The following SGCD variants were observed in gnomAD, a reference collection of about 807,000 sequenced individuals.
SGCD encodes delta-sarcoglycan.
Under a neutral mutation model 36.6 loss-of-function variants are expected in SGCD, and 18 were observed. That is an observed-to-expected ratio of 0.49 (90% CI 0.34 to 0.73). The LOEUF is 0.73. Among genes scored for constraint, SGCD ranks in the 30% least tolerant of loss-of-function variants. The pLI is 0.01. For synonymous variants in SGCD, 133 were observed against 130.6 expected (o/e 1.02, Z -0.12); for missense variants, 387 against 346.7 (o/e 1.12, Z -0.92).
intron 6 of SGCD, among the ~76,000 whole-genome samples, chr5:156,610,604 TG>T (rs1294282994): frequency 9.2e-5 from 14 of 152,244 alleles, no homozygotes; most frequent in South Asian, 2.1e-4. Flanking sequence ...CGGAGGTTTC[TG>T]CTGCCTTTTA....
At chr5:155,793,567 A>T in the SGCD span, among the ~76,000 whole-genome samples, 7 of 150,236 alleles carry the variant, frequency 4.7e-5, no homozygotes, top group African/African-American at 1.7e-4. Flanking sequence ...TAAGAGATGG[A>T]GTCTTGCTCT....
At chr5:155,780,107 T>A in the SGCD span, among the ~76,000 whole-genome samples, 8 of 151,260 alleles carry the variant, frequency 5.3e-5, no homozygotes, top group African/African-American at 1.9e-4. Flanking sequence ...GATACGTCCA[T>A]TTTTTTTTCT....
intron 3 of SGCD, among the ~76,000 whole-genome samples, chr5:156,289,508 C>A (rs1283524717): frequency 6.6e-6 from 1 of 151,908 alleles, no homozygotes; most frequent in Non-Finnish European, 1.5e-5. Context: ...CTCTCTGTGT[C>A]CATGTGTTCT....
intron 6 of SGCD, among the ~76,000 whole-genome samples, chr5:156,602,080 A>C (rs1761217313): frequency 6.6e-6 from 1 of 152,168 alleles, no homozygotes; most frequent in Non-Finnish European, 1.5e-5. Context: ...ATCTGTGAAC[A>C]TGGAGTCTCT....
At position 156,084,782 on chromosome 5, in the gene SGCD, A is replaced by G. The variant is rs115103354; in HGVS notation, c.-281-33096A>G. On this transcript the variant is annotated intron_variant, in intron 1 of 9. Coordinates refer to the SGCD transcript ENST00000517913. The stretch of plus-strand genomic sequence containing the variant: ...CCTTATCTTATTCCTGATCTTAGAG[A>G]AAAAGCATTTATGTTTTCATTAAGT... Among the ~76,000 whole-genome samples, 837 of 152,302 alleles carry G rather than the reference A, an allele frequency of 5.5e-3. 8 individuals carry two copies. The highest frequency in any genetic ancestry group is 0.019 in the African/African-American group (809 of 41,556).
At chr5:156,623,860 T>A (rs1762345236) in intron 6 of SGCD, among the ~76,000 whole-genome samples, 1 of 152,164 alleles carries the variant, frequency 6.6e-6, no homozygotes, top group African/African-American at 2.4e-5. Flanking sequence ...TTGGAGAGTA[T>A]TCAGGCCCTA....
chr5:156,318,421 T>G (rs1345513478), intron 3 of SGCD, among the ~76,000 whole-genome samples: 2 of 152,162 alleles, frequency 1.3e-5, no homozygotes, highest in East Asian at 3.9e-4. Context: ...GTAAGTACCT[T>G]GAGGATAAGG....
At chr5:156,250,643 C>T (rs895240103) in intron 3 of SGCD, among the ~76,000 whole-genome samples, 2 of 152,058 alleles carry the variant, frequency 1.3e-5, no homozygotes, top group Non-Finnish European at 2.9e-5. Context: ...TAATATTCAC[C>T]AACTTTCCGA....
At chr5:156,241,977 G>A (rs1388549292) in intron 3 of SGCD, among the ~76,000 whole-genome samples, 1 of 152,182 alleles carries the variant, frequency 6.6e-6, no homozygotes, top group East Asian at 1.9e-4. Context: ...CAAACAGGTT[G>A]AGAAAGGTTT....
chr5:156,081,985 G>A (rs1035979676), intron 1 of SGCD, among the ~76,000 whole-genome samples: 3 of 152,062 alleles, frequency 2.0e-5, no homozygotes, highest in African/African-American at 7.2e-5. Context: ...GGTATTTAAT[G>A]GGCTTGATAA....
rs280460 is a variant in SGCD at position 156,613,924 on chromosome 5, C to A, written c.502+18873C>A. ...AATGCATTTGATCCTCACAACAACCCTATTAGGAGGGTACAGGCTGGCTGG... is the reference window on the plus strand; with the variant it reads ...AATGCATTTGATCCTCACAACAACCATATTAGGAGGGTACAGGCTGGCTGG... On this transcript the variant is annotated intron_variant, in intron 6 of 8. Coordinates refer to ENST00000337851, the MANE Select transcript of SGCD (RefSeq NM_000337.6). 6.4e-3 allele frequency among the ~76,000 whole-genome samples: 976 copies of A among 152,118 alleles called. 10 individuals carry two copies. The highest frequency in any genetic ancestry group is 0.022 in the African/African-American group (915 of 41,458).
the SGCD span, among the ~76,000 whole-genome samples, chr5:155,771,096 G>C: frequency 6.6e-6 from 1 of 152,120 alleles, no homozygotes; most frequent in Non-Finnish European, 1.5e-5. Context: ...GAACATAAAT[G>C]GTCCTTGGCA....
At chr5:155,997,671 A>G (rs996146564) in intron 1 of SGCD, among the ~76,000 whole-genome samples, 7 of 152,264 alleles carry the variant, frequency 4.6e-5, no homozygotes, top group African/African-American at 1.2e-4. Flanking sequence ...AAGTCTGAAC[A>G]TAACTAGAGT....
intron 1 of SGCD, among the ~76,000 whole-genome samples, chr5:155,928,593 G>A (rs981139825): frequency 1.2e-4 from 18 of 149,916 alleles, no homozygotes; most frequent in African/African-American, 3.2e-4. Flanking sequence ...GCTTGAACCC[G>A]GGAGGCGGAG....
chr5:156,519,225 A>G (rs1757306866), intron 4 of SGCD, among the ~76,000 whole-genome samples: 1 of 152,150 alleles, frequency 6.6e-6, no homozygotes, highest in Non-Finnish European at 1.5e-5. Flanking sequence ...ATAAACCAGA[A>G]AATCTAAAAG....
upstream of SGCD, among the ~76,000 whole-genome samples, chr5:155,868,620 T>G (rs903516527): frequency 1.3e-5 from 2 of 151,960 alleles, no homozygotes; most frequent in African/African-American, 2.4e-5. Context: ...AATGAAGGGA[T>G]CTAGCAAAAC....
the SGCD span, among the ~76,000 whole-genome samples, chr5:155,809,668 A>T: frequency 1.3e-5 from 2 of 152,190 alleles, no homozygotes; most frequent in Non-Finnish European, 1.5e-5. Context: ...GAGAGGAGGG[A>T]GGTGGATGGA....
At chr5:156,649,371 A>G (rs1763366514) in intron 7 of SGCD, among the ~76,000 whole-genome samples, 1 of 152,222 alleles carries the variant, frequency 6.6e-6, no homozygotes. Context: ...GTATATACCC[A>G]AAGGATTATA....
intron 3 of SGCD, among the ~76,000 whole-genome samples, chr5:156,242,030 T>C (rs1162090103): frequency 2.0e-5 from 3 of 151,982 alleles, no homozygotes; most frequent in Non-Finnish European, 4.4e-5. Context: ...ACAAATAAAG[T>C]AGGGGGTTCA....
Sources: allele counts gnomAD v4.1 joint callset (sites outside exome capture counted in the v4.1 genomes callset), GRCh38; gene constraint gnomAD v4.1.1; transcripts MANE v1.5; gene names NCBI Gene and HGNC (gene_info 2026-07-23, HGNC 2026-07-21).